The following HEATR1 variants were observed in gnomAD, a reference collection of about 807,000 sequenced individuals.
The protein encoded by HEATR1 is HEAT repeat-containing protein 1.
A neutral mutation model predicts 248.2 loss-of-function variants in HEATR1; 77 were observed. The ratio of observed to expected loss-of-function variants is 0.31; its 90% confidence interval spans 0.26 to 0.37. HEATR1 has a LOEUF of 0.37. Among genes scored for constraint, HEATR1 ranks in the 10% least tolerant of loss-of-function variants. The pLI is 1.00. For missense variants in HEATR1, 2,420 were observed against 2,504.9 expected (o/e 0.97, Z 0.72); for synonymous variants, 897 against 923.1 (o/e 0.97, Z 0.51).
chr1:236,599,397 C>T, intron 4 of HEATR1, 86 bp downstream of exon 4: 1 of 1,125,046 alleles, frequency 8.9e-7, no homozygotes, highest in Non-Finnish European at 1.3e-6. Context: ...GGACTATCCC[C>T]AGGAGCAATG....
intron 19 of HEATR1, among the ~76,000 whole-genome samples, chr1:236,581,829 G>A (rs905899526): frequency 2.0e-5 from 3 of 152,170 alleles, no homozygotes; most frequent in Admixed American, 6.5e-5. Flanking sequence ...GTAACTTCAC[G>A]TGTGCTAAAT....
rs1662785770 is a variant in HEATR1, at chr1:236,552,283, G to A, written c.6238-176C>T. ...AGAATACCAGTTTCACCATTTGGGA[G>A]CTGTTTGTAATATGTGCAACCTTAT... On this transcript the variant is annotated intron_variant, in intron 43 of 44. Coordinates refer to ENST00000366582, the MANE Select transcript of HEATR1 (RefSeq NM_018072.6). 6.1e-6 allele frequency: 3 copies of A among 491,274 alleles called. No homozygotes were observed. In the East Asian group the frequency reaches 1.0e-4, roughly 16 times the overall value. 30.4% of individuals were successfully genotyped at this position (491,274 alleles called of 1,614,324 possible). A position where few individuals can be genotyped will look rare whatever the true frequency, so the allele number is the denominator to read the frequency against.
chr1:236,556,211 C>T lies in HEATR1; in HGVS notation c.5403G>A (p.Gln1801=), dbSNP rs755992764. The T allele has an allele frequency of 1.2e-6, 2 of 1,614,044 alleles. No homozygotes were observed. The highest frequency in any genetic ancestry group is 1.1e-5 in the South Asian group (1 of 91,078). The part of the protein sequence containing the change: ...KITSEMGSAS[Q]ANIRLTSLKK... ...TAAGAGATGTGAGACGGATATTAGCCTGTGACGCAGAACCCATTTCACTAG... is the reference window on the plus strand; with the variant it reads ...TAAGAGATGTGAGACGGATATTAGCTTGTGACGCAGAACCCATTTCACTAG... Residue 1801 remains glutamine (Q), a synonymous_variant, in exon 38 of 45, where the codon CAG becomes CAA. Coordinates refer to ENST00000366582, the MANE Select transcript of HEATR1 (RefSeq NM_018072.6).
chr1:236,585,047 A>G lies in HEATR1; in HGVS notation c.2219T>C (p.Leu740Pro). The G allele has an allele frequency of 6.2e-7, 1 of 1,613,104 alleles. No individual in the cohort carries two copies. Among genetic ancestry groups the G allele is most frequent in the Non-Finnish European group, 8.5e-7 (1 of 1,179,714 alleles). Residue 740 changes from leucine (L) to proline (P), a missense_variant, in exon 17 of 45, where the codon CTT becomes CCT. By Grantham distance (98) the Leu-to-Pro change is moderately conservative. Coordinates refer to ENST00000366582, the MANE Select transcript of HEATR1 (RefSeq NM_018072.6). ...TACCACTGCAGTAATGACACTTTCA[A>G]GCTTCTTTATTTTTTTCTGCAACAA... is the stretch of plus-strand genomic sequence containing the variant. Reference protein sequence around the residue: ...FSLLQKKIKKLESVITAVEIP... With the variant: ...FSLLQKKIKKPESVITAVEIP...
rs745700348 is a variant in HEATR1 at position 236,585,947 on chromosome 1, A to G, written c.1928-6T>C. The G allele has an allele frequency of 2.5e-6, 4 of 1,613,152 alleles. No homozygotes were observed. The highest frequency in any genetic ancestry group is 3.4e-6 in the Non-Finnish European group (4 of 1,179,502). On this transcript the variant is annotated splice_polypyrimidine_tract_variant and splice_region_variant and intron_variant, in intron 15 of 44. Transcript: ENST00000366582. ...TTTAATTACATTTTCAAGAGCTGTA[A>G]AGTAAAATCGAATGCAGAGAGCTCT... is the stretch of plus-strand genomic sequence containing the variant.
intron 10 of HEATR1, 135 bp from the exon 11 acceptor site, chr1:236,592,245 G>C (rs1474748232): frequency 7.0e-6 from 4 of 575,182 alleles, no homozygotes; most frequent in Non-Finnish European, 1.2e-5. Context: ...AAATGTTGTA[G>C]GTAAAACCAA....
intron 43 of HEATR1, chr1:236,552,933 T>C (rs1190576302): frequency 6.6e-6 from 1 of 152,270 alleles, no homozygotes; most frequent in East Asian, 1.9e-4. Context: ...AGTCTCATTG[T>C]TAGCATATCC....
intron 43 of HEATR1, among the ~76,000 whole-genome samples, 195 bp downstream of exon 43, chr1:236,553,386 G>A (rs1475133): frequency 0.74 from 111,855 of 152,170 alleles, 41,358 homozygotes; most frequent in Admixed American, 0.77. Context: ...CAAATAGCCT[G>A]TAAGTAAAAA....
At position 236,581,342 on chromosome 1, in the gene HEATR1, T is replaced by C; in HGVS notation, c.2635A>G (p.Asn879Asp). The change falls in exon 20 of 45, where the codon AAT becomes GAT. Residue 879 changes from asparagine (N) to aspartate (D), a missense_variant. Transcript: ENST00000366582. ...GTTTTCACACTGCAGTTTAGTGGAT[T>C]TGAAAGGCTAGAACCATAGGTCCAT... ...VLWTYGSSLS[N>D]PLNCSVKTVL... is the part of the protein sequence containing the mutation. The C allele has an allele frequency of 1.2e-6, 2 of 1,612,170 alleles. No individual in the cohort carries two copies. The highest frequency in any genetic ancestry group is 1.7e-4 in the Middle Eastern group (1 of 6,048).
Position 236,550,292 on chromosome 1 carries a change from C to T in HEATR1, c.*610G>A, listed in dbSNP as rs1001887385. 1 of 152,176 alleles carries T rather than the reference C, an allele frequency of 6.6e-6. No homozygotes were observed. Among genetic ancestry groups the T allele is most frequent in the African/African-American group, 2.4e-5 (1 of 41,420 alleles). 9.4% of individuals were successfully genotyped at this position (152,176 alleles called of 1,614,324 possible). A position where few individuals can be genotyped will look rare whatever the true frequency, so the allele number is the denominator to read the frequency against. On this transcript the variant is annotated 3_prime_UTR_variant, in exon 45 of 45. Coordinates refer to ENST00000366582, the MANE Select transcript of HEATR1 (RefSeq NM_018072.6). ...TAGAAGCAGCGTGTTGCCTTCATCT[C>T]TCCCGTTTCCCAAAAGAACAAAGGA...
rs911583691 is a variant in HEATR1 at position 236,597,795 on chromosome 1, T to C, written c.603+83A>G. On this transcript the variant is annotated intron_variant, in intron 5 of 44. Coordinates refer to ENST00000366582, the MANE Select transcript of HEATR1 (RefSeq NM_018072.6). The stretch of plus-strand genomic sequence containing the variant: ...AATTTATCCAAAGTATCATTGTTAT[T>C]AGGGAATGTTTTAGTATGTTTTCTT... 7.0e-5 allele frequency: 58 copies of C among 824,466 alleles called. 2 individuals carry two copies. The highest frequency in any genetic ancestry group is 6.0e-4 in the South Asian group (34 of 56,306). The allele number at this position is 824,466 out of a possible 1,614,324, so 51.1% of individuals were successfully genotyped here. A position where few individuals can be genotyped will look rare whatever the true frequency, so the allele number is the denominator to read the frequency against.
At chr1:236,558,855 A>T in intron 35 of HEATR1, 140 bp downstream of exon 35, 1 of 787,756 alleles carries the variant, frequency 1.3e-6, no homozygotes, top group South Asian at 2.0e-5. Context: ...GTCACATTTT[A>T]AAACATGTCA....
intron 29 of HEATR1, 98 bp downstream of exon 29, chr1:236,568,888 AAAAAAAAAAC>A (rs1354110952): frequency 9.9e-4 from 593 of 598,808 alleles, no homozygotes; most frequent in East Asian, 7.1e-3. Context: ...AGGATATTAA[AAAAAAAAAAC>A]AAAAAAAAAA....
At position 236,601,946 on chromosome 1, in the gene HEATR1, G is replaced by A. The variant is rs370208112; in HGVS notation, c.359+1214C>T. On this transcript the variant is annotated intron_variant, in intron 3 of 44. Transcript: ENST00000366582. ...GGAGTTTGAGACCAGCCTGGCCAAC[G>A]TGATGAAACCCCATCTTTACTAAAA... 3.4e-5 allele frequency among the ~76,000 whole-genome samples: 5 copies of A among 148,664 alleles called. No homozygotes were observed. The East Asian group carries it at 5.9e-4, about 18-fold the overall frequency.
At chr1:236,589,737 C>G (rs1663982955) in intron 12 of HEATR1, among the ~76,000 whole-genome samples, 1 of 152,146 alleles carries the variant, frequency 6.6e-6, no homozygotes, top group African/African-American at 2.4e-5. Flanking sequence ...TTACTCTGTT[C>G]CAGAAATTTC....
At position 236,581,429 on chromosome 1, in the gene HEATR1, A is replaced by G; in HGVS notation, c.2563-15T>C. ...TCTAGATGCACCTAATTAAAAAAAA[A>G]AAAAAGCAAACTTTTAATTCTTACT... On this transcript the variant is annotated splice_polypyrimidine_tract_variant and intron_variant, in intron 19 of 44. Transcript: ENST00000366582. 1 of 1,488,092 alleles carries G rather than the reference A, an allele frequency of 6.7e-7. No homozygotes were observed. Among genetic ancestry groups the G allele is most frequent in the Non-Finnish European group, 8.9e-7 (1 of 1,119,376 alleles). The allele number at this position is 1,488,092 out of a possible 1,614,324, so 92.2% of individuals were successfully genotyped here.
At position 236,595,663 on chromosome 1, in the gene HEATR1, G is replaced by A. The variant is rs543299161; in HGVS notation, c.967C>T (p.His323Tyr). The A allele has an allele frequency of 1.5e-5, 24 of 1,611,614 alleles. No individual in the cohort carries two copies. The South Asian group carries it at 2.3e-4, about 16-fold the overall frequency. ...ATAAGATCAGGAACATTACATAAGT[G>A]AGGGAATGGCCTTTGAAGAAGCAAA... Reference protein sequence around the residue: ...PESLGKKPFPHLCNVPDLITI... With the variant: ...PESLGKKPFPYLCNVPDLITI... Residue 323 changes from histidine to tyrosine, a missense_variant, in exon 8 of 45, where the codon CAC becomes TAC. Physicochemically the swap from His to Tyr is moderately conservative, Grantham distance 83. Coordinates refer to ENST00000366582, the MANE Select transcript of HEATR1 (RefSeq NM_018072.6).
At chr1:236,583,246 A>G (rs1025409976) in intron 17 of HEATR1, 50 bp from the exon 18 acceptor site, 3 of 1,459,176 alleles carry the variant, frequency 2.1e-6, no homozygotes, top group African/African-American at 1.4e-5. Flanking sequence ...GGTTCTGAAC[A>G]TGGGTTATAT....
chr1:236,591,525 C>G (rs1664037771), intron 11 of HEATR1, among the ~76,000 whole-genome samples: 1 of 152,162 alleles, frequency 6.6e-6, no homozygotes, highest in South Asian at 2.1e-4. Context: ...GCTTAAATGT[C>G]TAACCTCTAG....
Sources: gnomAD v4.1 joint callset for allele counts (sites outside exome capture counted in the v4.1 genomes callset) on GRCh38, gnomAD v4.1.1 for gene constraint, MANE v1.5 for transcripts, NCBI Gene and HGNC (gene_info 2026-07-23, HGNC 2026-07-21) for gene names.